Variants in DTX1 observed in about 807,000 individuals in gnomAD.
DTX1 encodes the protein deltex E3 ubiquitin ligase 1.
DTX1 carries 26 observed loss-of-function variants against 57.8 expected under a neutral mutation model. The ratio of observed to expected loss-of-function variants is 0.45; its 90% CI spans 0.33 to 0.62. The LOEUF is 0.62. Ranked by LOEUF, DTX1 falls within the 20% of genes least tolerant of loss-of-function variation. The pLI is 0.02. For missense variants in DTX1, 704 were observed against 895.3 expected (o/e 0.79, Z 2.73); for synonymous variants, 398 against 394.1 (o/e 1.01, Z -0.12).
intron 3 of DTX1, among the ~76,000 whole-genome samples, chr12:113,091,072 T>C (rs186832175): frequency 6.6e-6 from 1 of 152,300 alleles, no homozygotes; most frequent in East Asian, 1.9e-4. Flanking sequence ...CATGCTCCTC[T>C]GGGTTTGCTG....
intron 2 of DTX1, among the ~76,000 whole-genome samples, chr12:113,065,747 G>A (rs1327509099): frequency 6.6e-6 from 1 of 152,138 alleles, no homozygotes; most frequent in African/African-American, 2.4e-5. Flanking sequence ...GGGTTGGGAG[G>A]GGAGATGATG....
rs1950282874 is a variant in DTX1 at position 113,095,484 on chromosome 12, C to T, written c.1638+70C>T. On this transcript the variant is annotated intron_variant, in intron 9 of 9. Transcript: ENST00000548759. ...GGCTCCAGCAACCACTGGCCTGGGC[C>T]TGTGGTCCCCATCATTCCCAATCCC... 4 of 1,589,428 alleles carry T rather than the reference C, an allele frequency of 2.5e-6. No individual in the cohort carries two copies. In the African/African-American group the frequency reaches 5.4e-5, roughly 21 times the overall value.
intron 2 of DTX1, among the ~76,000 whole-genome samples, chr12:113,061,223 C>T (rs779103936): frequency 6.6e-6 from 1 of 152,190 alleles, no homozygotes; most frequent in South Asian, 2.1e-4. Context: ...AAAAAACACT[C>T]ATTCCTAAAT....
In DTX1 at chr12:113,077,598, T is replaced by C. The variant is rs1375296864; in HGVS notation, c.434T>C (p.Leu145Pro). 1.2e-6 allele frequency: 2 copies of C among 1,613,454 alleles called. No individual in the cohort carries two copies. The highest frequency in any genetic ancestry group is 1.7e-6 in the Non-Finnish European group (2 of 1,179,874). The change falls in exon 3 of 10, where the codon CTA (leucine) becomes CCA (proline). Residue 145 changes from leucine to proline, a missense_variant. Physicochemically the swap from Leu to Pro is moderately conservative, Grantham distance 98. This residue lies in a region of DTX1 where 237 missense variants were observed against 328.6 expected (regional missense o/e 0.72). Coordinates refer to ENST00000548759, the MANE Select transcript of DTX1 (RefSeq NM_004416.3). This position sits in a 1 kb window ranked among gnomAD's most constrained non-coding sequence, Gnocchi z 7.8. Reference protein sequence around the residue: ...KQHPWLDLSSLGFCYLIYFNS... With the variant: ...KQHPWLDLSSPGFCYLIYFNS... ...CACCCGTGGCTCGACCTCTCATCGCTAGGCTTCTGCTACCTCATCTACTTC... is the reference window on the plus strand; with the variant it reads ...CACCCGTGGCTCGACCTCTCATCGCCAGGCTTCTGCTACCTCATCTACTTC...
Position 113,093,464 on chromosome 12 carries a change from G to C in DTX1, c.1004-75G>C. ...CCTCCCACCCACCCGAGGGCCCCGG[G>C]ATTCCCAGGGCCAGTGGTCGGGGGT... On this transcript the variant is annotated intron_variant, in intron 4 of 9. Coordinates refer to ENST00000548759, the MANE Select transcript of DTX1 (RefSeq NM_004416.3). This position sits in a 1 kb window ranked among gnomAD's most constrained non-coding sequence, Gnocchi z 4.2. The C allele has an allele frequency of 1.4e-6, 2 of 1,390,968 alleles. No homozygotes were observed. Among genetic ancestry groups the C allele is most frequent in the Non-Finnish European group, 1.9e-6 (2 of 1,045,872 alleles). 86.2% of individuals were successfully genotyped at this position (1,390,968 alleles called of 1,614,324 possible). A position where few individuals can be genotyped will look rare whatever the true frequency, so the allele number is the denominator to read the frequency against.
chr12:113,080,430 G>A (rs1422693136), intron 3 of DTX1, among the ~76,000 whole-genome samples: 1 of 152,134 alleles, frequency 6.6e-6, no homozygotes, highest in African/African-American at 2.4e-5. Flanking sequence ...GGGGAGTGTG[G>A]GAGGGGACAG....
chr12:113,058,555 C>T (rs1037071618), intron 2 of DTX1, 104 bp downstream of exon 2: 5 of 1,504,440 alleles, frequency 3.3e-6, no homozygotes, highest in Non-Finnish European at 4.4e-6. Flanking sequence ...CAAATCCCTT[C>T]CCCATCTCCC....
At chr12:113,095,007 G>T (rs764480308) in intron 7 of DTX1, 35 bp from the exon 8 acceptor site, 45 of 1,603,980 alleles carry the variant, frequency 2.8e-5, no homozygotes, top group Non-Finnish European at 3.4e-5. Context: ...GTTTGGGGGG[G>T]TGCTGGGAAC....
In DTX1 at chr12:113,094,069, C is replaced by G; in HGVS notation, c.1197C>G (p.Tyr399Ter). The change falls in exon 6 of 10, where the codon TAC becomes TAG. Residue 399 changes from tyrosine (Y) to a stop codon, truncating the protein, a stop_gained. Coordinates refer to ENST00000548759, the MANE Select transcript of DTX1 (RefSeq NM_004416.3). LOFTEE classifies it high-confidence loss of function. ...SKNPEDVVRR[Y>*]MQKVKNPPDE... ...ATCCCGAGGATGTGGTTCGAAGATA[C>G]ATGCAGAAGGTGAAAAACCCACCTG... is the stretch of plus-strand genomic sequence containing the variant. The G allele has an allele frequency of 6.5e-7, 1 of 1,546,892 alleles. No individual in the cohort carries two copies. The highest frequency in any genetic ancestry group is 8.8e-7 in the Non-Finnish European group (1 of 1,142,018).
Position 113,077,725 on chromosome 12 carries a change from G to T in DTX1, c.561G>T (p.Ser187=). 1 of 1,536,436 alleles carries T rather than the reference G, an allele frequency of 6.5e-7. No individual in the cohort carries two copies. Among genetic ancestry groups the T allele is most frequent in the Non-Finnish European group, 8.7e-7 (1 of 1,146,272 alleles). ...YPLTVGSIPK[S]QSWPVGASSG... Reference sequence around the variant, plus strand: ...TCACCGTGGGCTCCATCCCTAAGTCGCAGTCGTGGCCCGTGGGCGCCAGCT... The same window carrying T: ...TCACCGTGGGCTCCATCCCTAAGTCTCAGTCGTGGCCCGTGGGCGCCAGCT... The change falls in exon 3 of 10, where the codon TCG becomes TCT. Residue 187 remains serine, a synonymous_variant. Coordinates refer to ENST00000548759, the MANE Select transcript of DTX1 (RefSeq NM_004416.3). The surrounding 1 kb of genome is among the most constrained non-coding windows in gnomAD (Gnocchi z 7.8).
intron 2 of DTX1, among the ~76,000 whole-genome samples, chr12:113,076,664 A>C (rs2044774174): frequency 6.6e-6 from 1 of 152,220 alleles, no homozygotes; most frequent in Non-Finnish European, 1.5e-5. Flanking sequence ...TGACCTAAGG[A>C]AAGAATCAAT....
intron 9 of DTX1, 181 bp downstream of exon 9, chr12:113,095,595 C>A: frequency 1.3e-6 from 1 of 744,416 alleles, no homozygotes; most frequent in Non-Finnish European, 2.1e-6. Context: ...TTTCCTGAGC[C>A]ACTGAGGTCA....
At position 113,097,237 on chromosome 12, in the gene DTX1, G is replaced by A. The variant is rs774654077; in HGVS notation, c.*298G>A. 1.5e-4 allele frequency: 57 copies of A among 374,560 alleles called. No individual in the cohort carries two copies. The highest frequency in any genetic ancestry group is 1.5e-3 in the Middle Eastern group (2 of 1,328). 23.2% of individuals were successfully genotyped at this position (374,560 alleles called of 1,614,324 possible). ...CACATGTCCTGTTGAACTCATGCAC[G>A]CACACCCACGTGCCTGTACTTGCCC... is the stretch of plus-strand genomic sequence containing the variant. On this transcript the variant is annotated 3_prime_UTR_variant, in exon 10 of 10. Coordinates refer to ENST00000548759, the MANE Select transcript of DTX1 (RefSeq NM_004416.3).
At chr12:113,068,959 C>G (rs2044722259) in intron 2 of DTX1, among the ~76,000 whole-genome samples, 1 of 152,184 alleles carries the variant, frequency 6.6e-6, no homozygotes. Flanking sequence ...AATTGCTTCA[C>G]CTCTCTGTGC....
intron 2 of DTX1, among the ~76,000 whole-genome samples, chr12:113,071,581 T>C (rs1439485816): frequency 6.6e-6 from 1 of 152,260 alleles, no homozygotes; most frequent in African/African-American, 2.4e-5. Flanking sequence ...TTTCCCAGGC[T>C]GAAGAAACTC....
chr12:113,093,339 C>T lies in DTX1; in HGVS notation c.1003+116C>T. On this transcript the variant is annotated intron_variant, in intron 4 of 9. Coordinates refer to ENST00000548759, the MANE Select transcript of DTX1 (RefSeq NM_004416.3). The surrounding 1 kb of genome is among the most constrained non-coding windows in gnomAD (Gnocchi z 4.2). ...TGGTGAGCGTGGCCCGGAGGAAACGCCCCCTTCCACTGGGCCCAGGACACA... is the reference window on the plus strand; with the variant it reads ...TGGTGAGCGTGGCCCGGAGGAAACGTCCCCTTCCACTGGGCCCAGGACACA... 1 of 1,373,546 alleles carries T rather than the reference C, an allele frequency of 7.3e-7. No homozygotes were observed. 85.1% of individuals were successfully genotyped at this position (1,373,546 alleles called of 1,614,324 possible).
chr12:113,084,389 C>CT (rs1356172013), intron 3 of DTX1, among the ~76,000 whole-genome samples: 1 of 152,104 alleles, frequency 6.6e-6, no homozygotes, highest in Non-Finnish European at 1.5e-5. Flanking sequence ...AATTTCATGG[C>CT]TTTTTTGTGT....
chr12:113,058,103 G>C lies in DTX1; in HGVS notation c.-90G>C. Reference sequence around the variant, plus strand: ...GCCAGACGGTCCTTGCTGTCCCCCTGGGGAGAGAGGAAGTTGCCGCCTGCT... The same window carrying C: ...GCCAGACGGTCCTTGCTGTCCCCCTCGGGAGAGAGGAAGTTGCCGCCTGCT... On this transcript the variant is annotated 5_prime_UTR_variant, in exon 2 of 10. Coordinates refer to ENST00000548759, the MANE Select transcript of DTX1 (RefSeq NM_004416.3). 2 of 1,464,128 alleles carry C rather than the reference G, an allele frequency of 1.4e-6. No individual in the cohort carries two copies. The highest frequency in any genetic ancestry group is 2.8e-5 in the African/African-American group (2 of 70,542). 90.7% of individuals were successfully genotyped at this position (1,464,128 alleles called of 1,614,324 possible). A position where few individuals can be genotyped will look rare whatever the true frequency, so the allele number is the denominator to read the frequency against.
Position 113,077,880 on chromosome 12 carries a change from G to A in DTX1, c.716G>A (p.Gly239Glu), listed in dbSNP as rs1259283309. The A allele has an allele frequency of 1.5e-6, 2 of 1,296,666 alleles. No individual in the cohort carries two copies. The highest frequency in any genetic ancestry group is 1.9e-6 in the Non-Finnish European group (2 of 1,031,868). The allele number at this position is 1,296,666 out of a possible 1,614,324, so 80.3% of individuals were successfully genotyped here. ...APPLPPPPPP[G>E]GPPGALAVRP... Reference sequence around the variant, plus strand: ...CCGCTGCCGCCGCCGCCGCCACCTGGAGGGCCTCCAGGCGCGCTTGCCGTG... The same window carrying A: ...CCGCTGCCGCCGCCGCCGCCACCTGAAGGGCCTCCAGGCGCGCTTGCCGTG... Residue 239 changes from glycine (G) to glutamate (E), a missense_variant, in exon 3 of 10, where the codon GGA becomes GAA. This residue lies in a region of DTX1 where 299 missense variants were observed against 311.2 expected (regional missense o/e 0.96). Transcript: ENST00000548759. The surrounding 1 kb of genome is among the most constrained non-coding windows in gnomAD (Gnocchi z 7.8).
Sources: allele counts gnomAD v4.1 joint callset (sites outside exome capture counted in the v4.1 genomes callset), GRCh38; gene constraint gnomAD v4.1.1; regional missense constraint gnomAD v4.1.1; non-coding constraint Gnocchi (gnomAD v3.1); transcripts MANE v1.5; gene names NCBI Gene and HGNC (gene_info 2026-07-23, HGNC 2026-07-21).